Variants in CWF19L2 observed in about 807,000 individuals in gnomAD.
CWF19L2 encodes the protein CWF19-like protein 2.
A neutral mutation model predicts 111.7 loss-of-function variants in CWF19L2; 98 were observed. The observed-to-expected ratio is 0.88, with a 90% CI of 0.75 to 1.04. CWF19L2 has a LOEUF of 1.04. CWF19L2 is among the 50% of genes least tolerant of loss of function. The probability of loss-of-function intolerance (pLI) is 0.00; values close to 1 mark genes in which losing one functional copy is unlikely to be tolerated. For missense variants in CWF19L2, 1,101 were observed against 1,051.4 expected (o/e 1.05, Z -0.65); for synonymous variants, 351 against 342.9 (o/e 1.02, Z -0.26).
At chr11:107,443,883 C>T (rs1248943740) in intron 3 of CWF19L2, among the ~76,000 whole-genome samples, 2 of 152,152 alleles carry the variant, frequency 1.3e-5, no homozygotes, top group East Asian at 1.9e-4. Context: ...AAAACTAGGG[C>T]CACCTTATCC....
intron 10 of CWF19L2, among the ~76,000 whole-genome samples, chr11:107,411,018 A>G (rs1253163976): frequency 1.3e-5 from 2 of 151,582 alleles, no homozygotes; most frequent in Admixed American, 1.3e-4. Flanking sequence ...TGACTACAAG[A>G]AGTAACACAA....
intron 9 of CWF19L2, 102 bp downstream of exon 9, chr11:107,418,092 T>G: frequency 2.6e-6 from 2 of 758,282 alleles, no homozygotes; most frequent in East Asian, 2.6e-5. Flanking sequence ...ACAGTTATTT[T>G]CACAGTGTGC....
At chr11:107,336,747 C>T in intron 14 of CWF19L2, 34 bp from the exon 15 acceptor site, 1 of 1,160,616 alleles carries the variant, frequency 8.6e-7, no homozygotes, top group South Asian at 1.6e-5. Flanking sequence ...AAAGAAAACA[C>T]TTAAAGGAGA....
At position 107,352,726 on chromosome 11, in the gene CWF19L2, A is replaced by T. The variant is rs932889253; in HGVS notation, c.2085+798T>A. Among the ~76,000 whole-genome samples the T allele has an allele frequency of 2.6e-5, 4 of 152,188 alleles. No individual in the cohort carries two copies. The East Asian group carries it at 7.7e-4, about 29-fold the overall frequency. ...AAAGAAGATAAGAAAATAAATCAAA[A>T]GAAGCCAGAATGGACACTGATGTAA... is the stretch of plus-strand genomic sequence containing the variant. On this transcript the variant is annotated intron_variant, in intron 13 of 17. Transcript: ENST00000282251.
intron 16 of CWF19L2, among the ~76,000 whole-genome samples, chr11:107,333,604 TTTTTG>T (rs1384573931): frequency 3.3e-5 from 5 of 151,950 alleles, no homozygotes; most frequent in African/African-American, 1.2e-4. Context: ...ACATTTAGAG[TTTTTG>T]TTTTGTTTTA....
At chr11:107,439,505 G>T (rs571560064) in intron 5 of CWF19L2, among the ~76,000 whole-genome samples, 1 of 152,302 alleles carries the variant, frequency 6.6e-6, no homozygotes, top group East Asian at 1.9e-4. Context: ...GAAGACAGAA[G>T]TATACAGTAC....
chr11:107,406,258 C>G (rs1253180618), intron 10 of CWF19L2, among the ~76,000 whole-genome samples: 1 of 152,228 alleles, frequency 6.6e-6, no homozygotes. Flanking sequence ...CTACAAACTT[C>G]CAGAGTTCAT....
intron 5 of CWF19L2, among the ~76,000 whole-genome samples, chr11:107,440,705 C>T (rs1195173254): frequency 2.0e-5 from 3 of 152,066 alleles, no homozygotes; most frequent in Non-Finnish European, 4.4e-5. Flanking sequence ...TAAATAACTT[C>T]TATAAATCAG....
rs1332327994 is a variant in CWF19L2 at position 107,353,731 on chromosome 11, C to A, written c.1878G>T (p.Met626Ile). The A allele has an allele frequency of 6.2e-7, 1 of 1,613,394 alleles. No individual in the cohort carries two copies. ...TGTAATAGTCTCCATCTGTTTTTCC[C>A]ATAAACTGAAAAACCAAAATAACAG... ...KLFMRMASKF[M>I]GKTDGDYYTL... The change falls in exon 13 of 18, where the codon ATG becomes ATT. Residue 626 changes from methionine (M) to isoleucine (I), a missense_variant. Transcript: ENST00000282251.
chr11:107,380,065 A>AAAC (rs1489128756), intron 12 of CWF19L2, among the ~76,000 whole-genome samples: 8 of 150,056 alleles, frequency 5.3e-5, no homozygotes, highest in African/African-American at 2.0e-4. Context: ...AAAAAAAAAA[A>AAAC]AAAAAAATCA....
At chr11:107,337,318 T>C (rs1236486072) in intron 14 of CWF19L2, among the ~76,000 whole-genome samples, 1 of 151,896 alleles carries the variant, frequency 6.6e-6, no homozygotes, top group African/African-American at 2.4e-5. Flanking sequence ...AACTAAGTAT[T>C]ATTATACAAC....
At chr11:107,357,760 A>G (rs1860259991) in intron 12 of CWF19L2, among the ~76,000 whole-genome samples, 1 of 152,182 alleles carries the variant, frequency 6.6e-6, no homozygotes, top group Admixed American at 6.5e-5. Context: ...TTTTTAATTT[A>G]TCAATCATAT....
At chr11:107,422,974 G>A (rs1861322499) in intron 8 of CWF19L2, among the ~76,000 whole-genome samples, 1 of 151,920 alleles carries the variant, frequency 6.6e-6, no homozygotes, top group African/African-American at 2.4e-5. Context: ...ACACTAGAAA[G>A]TAACATATTT....
intron 8 of CWF19L2, among the ~76,000 whole-genome samples, chr11:107,428,518 A>G (rs1286335332): frequency 6.6e-6 from 1 of 152,134 alleles, no homozygotes; most frequent in African/African-American, 2.4e-5. Flanking sequence ...CAGCACATAC[A>G]TTTAAAACAT....
intron 12 of CWF19L2, among the ~76,000 whole-genome samples, chr11:107,369,370 A>T (rs1248069432): frequency 7.3e-6 from 1 of 137,766 alleles, no homozygotes; most frequent in Non-Finnish European, 1.6e-5. Flanking sequence ...TAGGTAATCA[A>T]TAAATAGTTG....
intron 13 of CWF19L2, among the ~76,000 whole-genome samples, chr11:107,351,599 AAG>A (rs888797134): frequency 2.0e-5 from 3 of 152,222 alleles, no homozygotes; most frequent in Admixed American, 6.5e-5. Flanking sequence ...ATAGCATTTT[AAG>A]AGAGTGTAAG....
At chr11:107,410,146 T>C (rs913195994) in intron 10 of CWF19L2, among the ~76,000 whole-genome samples, 3 of 152,182 alleles carry the variant, frequency 2.0e-5, no homozygotes, top group Non-Finnish European at 2.9e-5. Flanking sequence ...AATTCTTCGC[T>C]GTTCAAGCGT....
intron 8 of CWF19L2, among the ~76,000 whole-genome samples, chr11:107,419,864 T>C (rs1254850864): frequency 1.3e-5 from 2 of 152,034 alleles, no homozygotes; most frequent in Non-Finnish European, 2.9e-5. Context: ...TTGAGGTTTA[T>C]AACAAGTATA....
chr11:107,373,861 G>T (rs1350322182), intron 12 of CWF19L2, among the ~76,000 whole-genome samples: 1 of 132,912 alleles, frequency 7.5e-6, no homozygotes, highest in African/African-American at 3.0e-5. Flanking sequence ...CAAAGAAGTT[G>T]AAAACTTTGA....
Sources: gnomAD v4.1 joint callset for allele counts (sites outside exome capture counted in the v4.1 genomes callset) on GRCh38, gnomAD v4.1.1 for gene constraint, MANE v1.5 for transcripts, NCBI Gene and HGNC (gene_info 2026-07-23, HGNC 2026-07-21) for gene names.